The following WDPCP variants were observed in gnomAD, a reference collection of about 807,000 sequenced individuals.
The protein encoded by WDPCP is WD repeat-containing and planar cell polarity effector protein fritz homolog.
Under a neutral mutation model 93.1 loss-of-function variants are expected in WDPCP, and 71 were observed. The ratio of observed to expected loss-of-function variants is 0.76; its 90% CI spans 0.63 to 0.93. The LOEUF is 0.93. Ranked by LOEUF, WDPCP falls within the 40% of genes least tolerant of loss-of-function variation. WDPCP has a pLI of 0.00. For synonymous variants in WDPCP, 315 were observed against 315.0 expected, an observed-to-expected ratio of 1.00 and a Z score of 0.00; for missense variants, 844 against 887.4, an observed-to-expected ratio of 0.95 and a Z score of 0.62.
At chr2:63,513,655 C>T (rs1283806811) in intron 1 of WDPCP, among the ~76,000 whole-genome samples, 2 of 152,158 alleles carry the variant, frequency 1.3e-5, no homozygotes, top group Non-Finnish European at 2.9e-5. Context: ...CTCTTGAAGA[C>T]CCTCATTCCA....
intron 3 of WDPCP, among the ~76,000 whole-genome samples, chr2:63,607,928 A>G (rs935749664): frequency 3.3e-5 from 5 of 152,168 alleles, no homozygotes; most frequent in African/African-American, 1.2e-4. Context: ...AACCAGGGGA[A>G]GGCAGTAAGG....
At chr2:63,456,304 C>A (rs950334901) in intron 6 of WDPCP, among the ~76,000 whole-genome samples, 4 of 152,100 alleles carry the variant, frequency 2.6e-5, no homozygotes, top group African/African-American at 9.7e-5. Context: ...GTAATCCCAG[C>A]CACTTGGGAG....
At chr2:63,245,316 G>C (rs1051880279) in intron 14 of WDPCP, among the ~76,000 whole-genome samples, 1 of 152,116 alleles carries the variant, frequency 6.6e-6, no homozygotes, top group Admixed American at 6.6e-5. Flanking sequence ...TCTTTGTAAA[G>C]ATATTCATGA....
intron 15 of WDPCP, among the ~76,000 whole-genome samples, chr2:63,167,951 C>CA (rs1673107869): frequency 6.6e-6 from 1 of 151,734 alleles, no homozygotes; most frequent in African/African-American, 2.4e-5. Flanking sequence ...GCCATCTCTA[C>CA]AAAAAATACA....
At chr2:63,205,493 C>CA (rs1676271155) in intron 14 of WDPCP, among the ~76,000 whole-genome samples, 1 of 152,086 alleles carries the variant, frequency 6.6e-6, no homozygotes, top group African/African-American at 2.4e-5. Context: ...GTGTTCTCTT[C>CA]AATTTCTTTC....
At chr2:63,545,154 A>G (rs1032620998) in intron 1 of WDPCP, among the ~76,000 whole-genome samples, 1 of 152,176 alleles carries the variant, frequency 6.6e-6, no homozygotes, top group Non-Finnish European at 1.5e-5. Flanking sequence ...TGCCACGGCC[A>G]TGGATTACAG....
intron 6 of WDPCP, among the ~76,000 whole-genome samples, chr2:63,463,293 G>T (rs186976776): frequency 1.3e-5 from 2 of 152,096 alleles, no homozygotes; most frequent in Non-Finnish European, 2.9e-5. Flanking sequence ...ATTTGGCTGT[G>T]TAATAATCAG....
intron 3 of WDPCP, among the ~76,000 whole-genome samples, chr2:63,609,310 G>A (rs1017828442): frequency 9.9e-5 from 15 of 151,098 alleles, no homozygotes; most frequent in Non-Finnish European, 1.8e-4. Flanking sequence ...GCAGTGAGCC[G>A]AGATCATGCC....
intron 2 of WDPCP, among the ~76,000 whole-genome samples, chr2:63,721,711 C>G (rs1310457986): frequency 1.0e-4 from 15 of 147,054 alleles, no homozygotes; most frequent in Non-Finnish European, 2.3e-4. Context: ...TCCCCCTGCC[C>G]CTCCCCCTCC....
chr2:63,401,390 A>G (rs903468210), intron 10 of WDPCP, among the ~76,000 whole-genome samples: 2 of 152,232 alleles, frequency 1.3e-5, no homozygotes, highest in Non-Finnish European at 2.9e-5. Context: ...CAAACATATG[A>G]AAAAAAGCTC....
chr2:63,660,072 A>T (rs1710209309), intron 2 of WDPCP, among the ~76,000 whole-genome samples: 1 of 152,188 alleles, frequency 6.6e-6, no homozygotes, highest in African/African-American at 2.4e-5. Flanking sequence ...CAAAACCAAG[A>T]GTTCTGATTC....
chr2:63,684,575 T>C, intron 2 of WDPCP: 1 of 716,684 alleles, frequency 1.4e-6, no homozygotes, highest in Non-Finnish European at 2.6e-6. Context: ...GGATATCCCC[T>C]TGAACAAAAC....
At chr2:63,582,538 A>T (rs550472407) in intron 1 of WDPCP, among the ~76,000 whole-genome samples, 4 of 152,284 alleles carry the variant, frequency 2.6e-5, no homozygotes, top group Non-Finnish European at 5.9e-5. Flanking sequence ...AAATTCATTG[A>T]AAACTATAAA....
At chr2:63,166,056 T>C (rs575191081) in intron 15 of WDPCP, among the ~76,000 whole-genome samples, 7 of 152,068 alleles carry the variant, frequency 4.6e-5, no homozygotes, top group Admixed American at 4.6e-4. Flanking sequence ...ATTTCTTTTT[T>C]TTAATTTTAA....
intron 12 of WDPCP, among the ~76,000 whole-genome samples, chr2:63,370,689 T>G (rs1208922615): frequency 1.3e-5 from 2 of 152,158 alleles, no homozygotes; most frequent in Non-Finnish European, 2.9e-5. Context: ...CTTTCATGTG[T>G]ATAGGACTAT....
chr2:63,631,906 C>T (rs976111064), intron 3 of WDPCP, among the ~76,000 whole-genome samples: 21 of 152,192 alleles, frequency 1.4e-4, no homozygotes, highest in Non-Finnish European at 1.5e-5. Context: ...TGGTGCCAAC[C>T]CCAGCATCCT....
chr2:63,626,608 A>T, intron 3 of WDPCP, among the ~76,000 whole-genome samples: 1 of 152,246 alleles, frequency 6.6e-6, no homozygotes, highest in Non-Finnish European at 1.5e-5. Flanking sequence ...GAGAAATGCA[A>T]ATCAAAACCA....
At chr2:63,749,475 G>A (rs1258282566) in intron 2 of WDPCP, among the ~76,000 whole-genome samples, 2 of 151,990 alleles carry the variant, frequency 1.3e-5, no homozygotes, top group African/African-American at 2.4e-5. Context: ...AACCATTTGA[G>A]TACCCATACA....
intron 3 of WDPCP, among the ~76,000 whole-genome samples, chr2:63,611,796 T>C (rs943691355): frequency 3.9e-5 from 6 of 152,220 alleles, no homozygotes; most frequent in African/African-American, 1.4e-4. Flanking sequence ...CACAATATAG[T>C]GACAGTTCAA....
Sources: allele counts gnomAD v4.1 joint callset (sites outside exome capture counted in the v4.1 genomes callset), GRCh38; gene constraint gnomAD v4.1.1; transcripts MANE v1.5; gene names NCBI Gene and HGNC (gene_info 2026-07-23, HGNC 2026-07-21).